HMGCS1: variants seen among roughly 807,000 people sequenced by gnomAD.
The protein encoded by HMGCS1 is 3-hydroxy-3-methylglutaryl-CoA synthase 1.
A neutral mutation model predicts 52.3 loss-of-function variants in HMGCS1; 9 were observed. The observed-to-expected ratio is 0.17, with a 90% CI of 0.10 to 0.30. The LOEUF is 0.30. Ranked by LOEUF, HMGCS1 falls within the 10% of genes least tolerant of loss-of-function variation. The pLI is 1.00. For synonymous variants in HMGCS1, 176 were observed against 214.4 expected, an observed-to-expected ratio of 0.82 and a Z score of 1.57; for missense variants, 320 against 620.9, an observed-to-expected ratio of 0.52 and a Z score of 5.15.
In HMGCS1 at chr5:43,298,499, G is replaced by A. The variant is rs537619897; in HGVS notation, c.448+19C>T. 2.5e-5 allele frequency: 40 copies of A among 1,589,410 alleles called. No homozygotes were observed. The South Asian group carries it at 3.6e-4, about 14-fold the overall frequency. Reference sequence around the variant, plus strand: ...GAAAAAAATTTTGGGGGACGGCGGGGAATAGGCATGTAACATACCATCCCA... The same window carrying A: ...GAAAAAAATTTTGGGGGACGGCGGGAAATAGGCATGTAACATACCATCCCA... On this transcript the variant is annotated intron_variant, in intron 3 of 10. Coordinates refer to ENST00000325110, the MANE Select transcript of HMGCS1 (RefSeq NM_001098272.3). This position sits in a 1 kb window ranked among gnomAD's most constrained non-coding sequence, Gnocchi z 5.6.
intron 1 of HMGCS1, chr5:43,312,919 A>T (rs1480644078): frequency 1.3e-5 from 2 of 152,302 alleles, no homozygotes; most frequent in Non-Finnish European, 2.9e-5. Flanking sequence ...CTCCGTCTAA[A>T]GAGGATCTTG....
chr5:43,295,724 G>A, intron 6 of HMGCS1, 28 bp downstream of exon 6: 3 of 1,562,366 alleles, frequency 1.9e-6, no homozygotes, highest in Non-Finnish European at 2.6e-6. Context: ...TAATATAGAA[G>A]GAAAAAACTC....
chr5:43,305,060 C>T (rs1754498706), intron 2 of HMGCS1, among the ~76,000 whole-genome samples: 1 of 150,376 alleles, frequency 6.6e-6, no homozygotes, highest in Non-Finnish European at 1.5e-5. Flanking sequence ...GATCTCGGCT[C>T]ACTGCAACCT....
chr5:43,293,115 A>C (rs1476127509), intron 8 of HMGCS1, 142 bp from the exon 9 acceptor site: 1 of 651,900 alleles, frequency 1.5e-6, no homozygotes. Flanking sequence ...TTAAAAGATA[A>C]GATGATACCT....
At chr5:43,308,411 GT>G (rs1754684768) in intron 1 of HMGCS1, among the ~76,000 whole-genome samples, 1 of 151,214 alleles carries the variant, frequency 6.6e-6, no homozygotes, top group African/African-American at 2.5e-5. Context: ...TATTACCTTA[GT>G]TCTTATAGTT....
In HMGCS1 at chr5:43,293,129, T is replaced by C. The variant is rs143537810; in HGVS notation, c.1184-156A>G. On this transcript the variant is annotated intron_variant, in intron 8 of 10. Coordinates refer to ENST00000325110, the MANE Select transcript of HMGCS1 (RefSeq NM_001098272.3). ...GTTAAAAGATAAGATGATACCTATT[T>C]GACAAATCTCCTATGATGTCAGACT... 1.7e-3 allele frequency among the ~76,000 whole-genome samples: 266 copies of C among 152,342 alleles called. 3 individuals are homozygous for C. Among genetic ancestry groups the C allele is most frequent in the Admixed American group, 8.7e-3 (133 of 15,296 alleles).
At position 43,307,810 on chromosome 5, in the gene HMGCS1, T is replaced by A. The variant is rs1754653373; in HGVS notation, c.-55A>T. 6.6e-6 allele frequency: 1 copy of A among 152,204 alleles called. No homozygotes were observed. The highest frequency in any genetic ancestry group is 2.1e-4 in the South Asian group (1 of 4,824). 9.4% of individuals were successfully genotyped at this position (152,204 alleles called of 1,614,324 possible). A position where few individuals can be genotyped will look rare whatever the true frequency, so the allele number is the denominator to read the frequency against. ...CTGCAGTCTCCAGGTCTGTCACTGTTTCCTCCTTCGGGCACTAGGAATTTC... is the reference window on the plus strand; with the variant it reads ...CTGCAGTCTCCAGGTCTGTCACTGTATCCTCCTTCGGGCACTAGGAATTTC... On this transcript the variant is annotated 5_prime_UTR_variant, in exon 2 of 11. Transcript: ENST00000325110.
At chr5:43,311,163 A>G (rs904305204) in intron 1 of HMGCS1, among the ~76,000 whole-genome samples, 1 of 152,056 alleles carries the variant, frequency 6.6e-6, no homozygotes, top group African/African-American at 2.4e-5. Flanking sequence ...CATCTCTTCT[A>G]AAAATACAAA....
In HMGCS1 at chr5:43,290,711, C is replaced by A. The variant is rs958321555; in HGVS notation, c.*420G>T. The A allele has an allele frequency of 6.5e-6, 1 of 154,936 alleles. No homozygotes were observed. Among genetic ancestry groups the A allele is most frequent in the Admixed American group, 6.4e-5 (1 of 15,576 alleles). 9.6% of individuals were successfully genotyped at this position (154,936 alleles called of 1,614,324 possible). ...AGCTAGAAATGTTTTCCAAAAACCA[C>A]AGGTACTTTCTGTAATCTTGTTGTT... On this transcript the variant is annotated 3_prime_UTR_variant, in exon 11 of 11. Transcript: ENST00000325110.
intron 2 of HMGCS1, among the ~76,000 whole-genome samples, chr5:43,307,108 T>A (rs1290779228): frequency 6.6e-6 from 1 of 150,760 alleles, no homozygotes; most frequent in Non-Finnish European, 1.5e-5. Context: ...TCCCACTCTG[T>A]TGCCCAGGCT....
At chr5:43,300,635 T>A (rs951083252) in intron 2 of HMGCS1, among the ~76,000 whole-genome samples, 20 of 151,094 alleles carry the variant, frequency 1.3e-4, no homozygotes, top group African/African-American at 3.9e-4. Context: ...ACAAAAAAAA[T>A]TTTTTTAAAA....
chr5:43,299,590 C>T (rs568250567), intron 2 of HMGCS1, among the ~76,000 whole-genome samples: 70 of 151,420 alleles, frequency 4.6e-4, no homozygotes, highest in African/African-American at 1.6e-3. Context: ...GAGGAGCTTG[C>T]AGTGAGCAGA....
At chr5:43,291,987 CTTTTTTT>C (rs537398917) in intron 10 of HMGCS1, among the ~76,000 whole-genome samples, 22 of 83,138 alleles carry the variant, frequency 2.6e-4, no homozygotes, top group Admixed American at 3.2e-4. Flanking sequence ...ACTGTATATT[CTTTTTTT>C]TTTTTTTTTT....
chr5:43,303,764 A>G (rs1245839693), intron 2 of HMGCS1, among the ~76,000 whole-genome samples: 1 of 152,234 alleles, frequency 6.6e-6, no homozygotes, highest in East Asian at 1.9e-4. Context: ...TGTATTCAAT[A>G]CAGGAAAAAC....
chr5:43,293,752 C>A, intron 8 of HMGCS1: 1 of 183,314 alleles, frequency 5.5e-6, no homozygotes, highest in Non-Finnish European at 1.1e-5. Flanking sequence ...CTCGCTCTGT[C>A]ACCCAGGCTG....
intron 1 of HMGCS1, among the ~76,000 whole-genome samples, chr5:43,310,072 G>A (rs1467641825): frequency 1.3e-5 from 2 of 152,208 alleles, no homozygotes; most frequent in Non-Finnish European, 2.9e-5. Flanking sequence ...CATTGTTACA[G>A]GAGATAAATC....
chr5:43,308,182 T>G (rs1391016383), intron 1 of HMGCS1, among the ~76,000 whole-genome samples: 3 of 152,216 alleles, frequency 2.0e-5, no homozygotes, highest in African/African-American at 7.2e-5. Flanking sequence ...TATAAACAAG[T>G]TGTAATGAGT....
chr5:43,311,699 CA>C (rs1263585273), intron 1 of HMGCS1, among the ~76,000 whole-genome samples: 3 of 150,138 alleles, frequency 2.0e-5, no homozygotes, highest in African/African-American at 7.6e-5. Context: ...ATCTCAAAAT[CA>C]ATCCACAGTT....
chr5:43,292,033 G>A (rs1481555062), intron 10 of HMGCS1, among the ~76,000 whole-genome samples: 4 of 117,222 alleles, frequency 3.4e-5, no homozygotes, highest in East Asian at 2.4e-4. Flanking sequence ...TTGCTCTGTC[G>A]CCAGGCTGGA....
Sources: gnomAD v4.1 joint callset for allele counts (sites outside exome capture counted in the v4.1 genomes callset) on GRCh38, gnomAD v4.1.1 for gene constraint, Gnocchi (gnomAD v3.1) non-coding constraint, MANE v1.5 for transcripts, NCBI Gene and HGNC (gene_info 2026-07-23, HGNC 2026-07-21) for gene names.